BCAS4: variants seen among roughly 807,000 people sequenced by gnomAD.
The protein encoded by BCAS4 is breast carcinoma amplified sequence 4, also known as breast carcinoma-amplified sequence 4.
BCAS4 carries 9 observed loss-of-function variants against 15.7 expected under a neutral mutation model. The observed-to-expected ratio is 0.57, with a 90% CI of 0.34 to 1.00. The LOEUF (loss-of-function observed/expected upper bound fraction) is 1.00. Among genes scored for constraint, BCAS4 ranks in the 50% least tolerant of loss-of-function variants. BCAS4 has a pLI of 0.02. For missense variants in BCAS4, 225 were observed against 239.1 expected, an observed-to-expected ratio of 0.94 and a Z score of 0.39; for synonymous variants, 101 against 99.5, an observed-to-expected ratio of 1.02 and a Z score of -0.09.
At chr20:50,876,109 C>G in intron 4 of BCAS4, 1 of 430,636 alleles carries the variant, frequency 2.3e-6, no homozygotes, top group South Asian at 1.7e-5. Context: ...CGCTACCATG[C>G]CCGGCTAATT....
chr20:50,876,017 C>T (rs1332773925), intron 4 of BCAS4: 1 of 456,236 alleles, frequency 2.2e-6, no homozygotes, highest in Non-Finnish European at 4.4e-6. Flanking sequence ...GTGGCACAAT[C>T]CCAGCTCGCT....
chr20:50,875,535 C>T (rs946405232), intron 4 of BCAS4, among the ~76,000 whole-genome samples: 3 of 144,792 alleles, frequency 2.1e-5, no homozygotes, highest in African/African-American at 5.1e-5. Flanking sequence ...GAGGCCGAGG[C>T]GGGCGAGTCA....
chr20:50,840,712 A>C (rs1249918807), intron 3 of BCAS4: 9 of 1,612,684 alleles, frequency 5.6e-6, no homozygotes, highest in African/African-American at 1.3e-5. Flanking sequence ...CGACTTATCG[A>C]ATTTCTCGAT....
intron 1 of BCAS4, among the ~76,000 whole-genome samples, chr20:50,813,791 G>A (rs2088102423): frequency 6.7e-6 from 1 of 149,984 alleles, no homozygotes; most frequent in Non-Finnish European, 1.5e-5. Context: ...TGAGAAGCGG[G>A]GATGTGGGAA....
chr20:50,880,763 G>A (rs1980104084), downstream of BCAS4: 1 of 152,200 alleles, frequency 6.6e-6, no homozygotes, highest in African/African-American at 2.4e-5. Context: ...CAAAGCAAGA[G>A]GTTTCAAGGT....
At chr20:50,797,026 C>T (rs551375787) in intron 1 of BCAS4, among the ~76,000 whole-genome samples, 47 of 151,912 alleles carry the variant, frequency 3.1e-4, no homozygotes, top group African/African-American at 1.1e-3. Flanking sequence ...TTTGTGGAGA[C>T]GAGATCTCAC....
At chr20:50,852,925 C>T (rs775420169) in intron 4 of BCAS4, among the ~76,000 whole-genome samples, 1 of 152,070 alleles carries the variant, frequency 6.6e-6, no homozygotes, top group African/African-American at 2.4e-5. Flanking sequence ...CGGGGGACAT[C>T]ATCAAGGATG....
intron 4 of BCAS4, among the ~76,000 whole-genome samples, chr20:50,853,048 A>G (rs1011540529): frequency 1.5e-4 from 22 of 150,198 alleles, no homozygotes; most frequent in Admixed American, 1.1e-3. Context: ...CATTCTTTCC[A>G]CCTGGCACTC....
Position 50,834,475 on chromosome 20 carries a change from A to G in BCAS4, c.264+4095A>G, listed in dbSNP as rs2088383174. Among the ~76,000 whole-genome samples the G allele has an allele frequency of 2.6e-5, 4 of 151,616 alleles. No individual in the cohort carries two copies. In the South Asian group the frequency reaches 8.3e-4, roughly 32 times the overall value. On this transcript the variant is annotated intron_variant, in intron 3 of 4. Transcript: ENST00000371608. ...ACACCTGGCTGATTTTTGTATTTTT[A>G]ATAGAGACAGGGTTTCACCATGTTG...
Position 50,823,712 on chromosome 20 carries a change from C to G in BCAS4, c.162+5430C>G, listed in dbSNP as rs553674839. Reference sequence around the variant, plus strand: ...GAAAAGCTTGACACAAGAATACATTCTGTGCGATTCCACTAGTCTGAAGTT... The same window carrying G: ...GAAAAGCTTGACACAAGAATACATTGTGTGCGATTCCACTAGTCTGAAGTT... On this transcript the variant is annotated intron_variant, in intron 2 of 4. Transcript: ENST00000371608. 2.0e-5 allele frequency among the ~76,000 whole-genome samples: 3 copies of G among 152,256 alleles called. No individual in the cohort carries two copies. In the South Asian group the frequency reaches 6.2e-4, roughly 32 times the overall value.
intron 3 of BCAS4, among the ~76,000 whole-genome samples, chr20:50,831,889 G>C (rs1364029031): frequency 6.6e-6 from 1 of 152,176 alleles, no homozygotes; most frequent in African/African-American, 2.4e-5. Context: ...AGGTAGCAGA[G>C]AATTAACATT....
intron 3 of BCAS4, chr20:50,840,696 C>G (rs2088467745): frequency 5.0e-6 from 8 of 1,613,036 alleles, no homozygotes; most frequent in African/African-American, 1.3e-5. Flanking sequence ...CTGTCTTCTT[C>G]AGTTTCGACT....
intron 1 of BCAS4, among the ~76,000 whole-genome samples, chr20:50,817,942 CT>C (rs762564964): frequency 2.0e-5 from 3 of 151,966 alleles, no homozygotes; most frequent in Non-Finnish European, 4.4e-5. Context: ...ATACGGGTAG[CT>C]TTGTTATTTC....
At chr20:50,815,777 G>A (rs984591971) in intron 1 of BCAS4, among the ~76,000 whole-genome samples, 1 of 152,162 alleles carries the variant, frequency 6.6e-6, no homozygotes, top group Non-Finnish European at 1.5e-5. Flanking sequence ...AACTGGTGCT[G>A]TATAAACAGT....
chr20:50,806,137 G>A (rs1165767459), intron 1 of BCAS4, among the ~76,000 whole-genome samples: 1 of 152,138 alleles, frequency 6.6e-6, no homozygotes, highest in East Asian at 1.9e-4. Context: ...ATCTCACTGG[G>A]AGTGACCCAG....
chr20:50,868,497 A>G (rs1026615662), intron 4 of BCAS4, among the ~76,000 whole-genome samples: 13 of 152,130 alleles, frequency 8.5e-5, no homozygotes, highest in Non-Finnish European at 1.5e-4. Context: ...ATCACGGCTC[A>G]CTGCAGCCTC....
At chr20:50,821,871 A>G (rs1490355996) in intron 2 of BCAS4, among the ~76,000 whole-genome samples, 3 of 152,136 alleles carry the variant, frequency 2.0e-5, no homozygotes, top group African/African-American at 7.2e-5. Context: ...TATAATGCCA[A>G]TTGTTGGCAC....
At chr20:50,863,660 A>G (rs1323791040) in intron 4 of BCAS4, among the ~76,000 whole-genome samples, 1 of 152,202 alleles carries the variant, frequency 6.6e-6, no homozygotes, top group Non-Finnish European at 1.5e-5. Context: ...TCAAAGTGAG[A>G]AATGTATGAC....
intron 4 of BCAS4, among the ~76,000 whole-genome samples, chr20:50,870,994 G>T (rs1348756943): frequency 6.6e-6 from 1 of 152,220 alleles, no homozygotes; most frequent in African/African-American, 2.4e-5. Flanking sequence ...CCCGGGAGGA[G>T]GGGGTGGGGA....
Sources: allele counts gnomAD v4.1 joint callset (sites outside exome capture counted in the v4.1 genomes callset), GRCh38; gene constraint gnomAD v4.1.1; transcripts MANE v1.5; gene names NCBI Gene and HGNC (gene_info 2026-07-23, HGNC 2026-07-21).